IRAK2: variants seen among roughly 807,000 people sequenced by gnomAD.
The protein encoded by IRAK2 is interleukin-1 receptor-associated kinase-like 2.
IRAK2 carries 57 observed loss-of-function variants against 72.0 expected under a neutral mutation model. The observed-to-expected ratio is 0.79, with a 90% CI of 0.64 to 0.99. The LOEUF (loss-of-function observed/expected upper bound fraction) is 0.99. IRAK2 is among the 50% of genes least tolerant of loss of function. The pLI is 0.00. For synonymous variants in IRAK2, 293 were observed against 312.7 expected (o/e 0.94, Z 0.67); for missense variants, 790 against 794.4 (o/e 0.99, Z 0.07).
chr3:10,186,709 G>C (rs1697079626), intron 2 of IRAK2, among the ~76,000 whole-genome samples: 1 of 151,218 alleles, frequency 6.6e-6, no homozygotes, highest in Admixed American at 6.6e-5. Flanking sequence ...GCAGACTCTT[G>C]AGATCCCCCA....
chr3:10,229,282 C>T (rs746036379), intron 10 of IRAK2, among the ~76,000 whole-genome samples: 3 of 152,072 alleles, frequency 2.0e-5, no homozygotes, highest in Non-Finnish European at 4.4e-5. Flanking sequence ...AGGGGTCTTG[C>T]CCTGTCACCC....
At chr3:10,173,293 C>T (rs1696824980) in intron 1 of IRAK2, among the ~76,000 whole-genome samples, 1 of 150,932 alleles carries the variant, frequency 6.6e-6, no homozygotes, top group South Asian at 2.1e-4. Flanking sequence ...CTGACTTTCG[C>T]ACATGTTTTC....
intron 3 of IRAK2, among the ~76,000 whole-genome samples, chr3:10,202,503 G>C (rs1356592619): frequency 1.3e-5 from 2 of 152,024 alleles, no homozygotes; most frequent in Non-Finnish European, 2.9e-5. Context: ...GGTACATGTA[G>C]TCCCAGCTAC....
chr3:10,197,224 AGAAAAAAAAAATTAGCTG>A (rs1447900250), intron 2 of IRAK2, among the ~76,000 whole-genome samples: 1 of 151,684 alleles, frequency 6.6e-6, no homozygotes, highest in African/African-American at 2.4e-5. Context: ...CTAAAAATAC[AGAAAAAAAAAATTAGCTG>A]GATGTGGTGT....
chr3:10,165,103 C>T, intron 1 of IRAK2, 55 bp downstream of exon 1: 1 of 1,494,908 alleles, frequency 6.7e-7, no homozygotes, highest in Non-Finnish European at 9.2e-7. Flanking sequence ...CCCCAGCGAT[C>T]CCGCCTGGAG....
intron 3 of IRAK2, among the ~76,000 whole-genome samples, chr3:10,205,992 G>A (rs1270822393): frequency 6.6e-6 from 1 of 152,138 alleles, no homozygotes; most frequent in Non-Finnish European, 1.5e-5. Flanking sequence ...GGCCAGCAGA[G>A]GCCTCCATTA....
At chr3:10,231,219 AT>A (rs1478205433) in intron 10 of IRAK2, among the ~76,000 whole-genome samples, 1 of 152,202 alleles carries the variant, frequency 6.6e-6, no homozygotes, top group Non-Finnish European at 1.5e-5. Context: ...AATCCAAACT[AT>A]TAGCAGGAGT....
rs1697550954 is a variant in IRAK2, at chr3:10,213,242, T to G, written c.564T>G (p.Leu188=). The G allele has an allele frequency of 1.2e-6, 2 of 1,613,956 alleles. No individual in the cohort carries two copies. The highest frequency in any genetic ancestry group is 1.7e-6 in the Non-Finnish European group (2 of 1,180,026). ...FSTSIPKQEK[L]LSLAGDSLFW... is the part of the protein sequence containing the mutation. Reference sequence around the variant, plus strand: ...CCTCCATTCCTAAGCAGGAAAAACTTTTGAGCTTGGCTGGAGACAGCCTTT... The same window carrying G: ...CCTCCATTCCTAAGCAGGAAAAACTGTTGAGCTTGGCTGGAGACAGCCTTT... Residue 188 remains leucine (L), a synonymous_variant, in exon 5 of 13, where the codon CTT becomes CTG. Coordinates refer to ENST00000256458, the MANE Select transcript of IRAK2 (RefSeq NM_001570.4).
rs1310159579 is a variant in IRAK2, at chr3:10,207,924, G to A, written c.425-1665G>A. ...GGAGAATCGCTTGAACCTGGGAGGG[G>A]GAGTTTGCAGTGAGCTGAGATTGTG... On this transcript the variant is annotated intron_variant, in intron 3 of 12. Transcript: ENST00000256458. Among the ~76,000 whole-genome samples the A allele has an allele frequency of 2.0e-5, 3 of 151,576 alleles. No individual in the cohort carries two copies. The East Asian group carries it at 5.8e-4, about 29-fold the overall frequency.
intron 6 of IRAK2, among the ~76,000 whole-genome samples, chr3:10,216,097 G>T (rs1248083984): frequency 6.6e-6 from 1 of 152,202 alleles, no homozygotes; most frequent in African/African-American, 2.4e-5. Flanking sequence ...TCTTGGGGAG[G>T]CTGAATCAGA....
Position 10,200,506 on chromosome 3 carries a change from C to T in IRAK2, c.415C>T (p.Pro139Ser). Residue 139 changes from proline to serine, a missense_variant, in exon 3 of 13, where the codon CCA (proline) becomes TCA (serine). Pro to Ser is a moderately conservative substitution (Grantham distance 74, BLOSUM62 -1). Transcript: ENST00000256458. ...EGQPVRMATFPGPGSSPARAH... is the reference protein window; with the variant it reads ...EGQPVRMATFSGPGSSPARAH... ...GCAGCCTGTGAGGATGGCCACCTTT[C>T]CAGGCCCAGGTATTTTAAATTTAAC... The T allele has an allele frequency of 6.4e-7, 1 of 1,564,312 alleles. No individual in the cohort carries two copies. The highest frequency in any genetic ancestry group is 8.7e-7 in the Non-Finnish European group (1 of 1,154,342).
intron 12 of IRAK2, among the ~76,000 whole-genome samples, chr3:10,239,248 C>T (rs1011958102): frequency 1.3e-5 from 2 of 152,222 alleles, no homozygotes; most frequent in Non-Finnish European, 2.9e-5. Context: ...TCACCCAGTC[C>T]TGTCCATTGG....
intron 8 of IRAK2, among the ~76,000 whole-genome samples, chr3:10,220,968 C>T (rs1032877516): frequency 2.6e-5 from 4 of 152,034 alleles, no homozygotes; most frequent in African/African-American, 9.7e-5. Context: ...AAACATTTCG[C>T]TACATTGTAT....
At chr3:10,175,187 G>T (rs547172818) in intron 1 of IRAK2, among the ~76,000 whole-genome samples, 2 of 151,810 alleles carry the variant, frequency 1.3e-5, no homozygotes, top group Non-Finnish European at 2.9e-5. Flanking sequence ...GCAGTGGCAC[G>T]ATCTCAGCTC....
At chr3:10,223,173 T>A (rs1389934807) in intron 9 of IRAK2, among the ~76,000 whole-genome samples, 2 of 152,110 alleles carry the variant, frequency 1.3e-5, no homozygotes, top group Non-Finnish European at 2.9e-5. Flanking sequence ...AGTGTCCAGG[T>A]TCTAGTAGGC....
intron 1 of IRAK2, among the ~76,000 whole-genome samples, chr3:10,165,497 C>CAT (rs377757158): frequency 2.5e-3 from 378 of 150,798 alleles, no homozygotes; most frequent in African/African-American, 7.1e-3. Flanking sequence ...TATGATTTAA[C>CAT]ATATATATAT....
At chr3:10,208,259 T>G (rs2125153844) in intron 3 of IRAK2, among the ~76,000 whole-genome samples, 1 of 152,134 alleles carries the variant, frequency 6.6e-6, no homozygotes, top group Non-Finnish European at 1.5e-5. Context: ...GGTGCAGTGG[T>G]ACCTTATTTC....
chr3:10,224,008 C>T (rs1217798690), intron 9 of IRAK2, among the ~76,000 whole-genome samples: 1 of 152,304 alleles, frequency 6.6e-6, no homozygotes, highest in African/African-American at 2.4e-5. Context: ...CAGTGAAGCT[C>T]AGCAGGGCTA....
At chr3:10,186,068 TCAACAACAA>T (rs370082817) in intron 2 of IRAK2, among the ~76,000 whole-genome samples, 2 of 150,978 alleles carry the variant, frequency 1.3e-5, no homozygotes, top group African/African-American at 4.9e-5. Context: ...AGACTCCGTC[TCAACAACAA>T]CAACAACAAC....
Sources: gnomAD v4.1 joint callset for allele counts (sites outside exome capture counted in the v4.1 genomes callset) on GRCh38, gnomAD v4.1.1 for gene constraint, MANE v1.5 for transcripts, NCBI Gene and HGNC (gene_info 2026-07-23, HGNC 2026-07-21) for gene names.